Variants in COL4A3 observed in about 807,000 individuals in gnomAD.
COL4A3 encodes the protein collagen alpha-3(IV) chain.
COL4A3 carries 135 observed loss-of-function variants against 217.4 expected under a neutral mutation model. That is an observed-to-expected ratio of 0.62 (90% CI 0.54 to 0.72). COL4A3 has a LOEUF of 0.72. Among genes scored for constraint, COL4A3 ranks in the 30% least tolerant of loss-of-function variants. COL4A3 has a pLI of 0.00. For synonymous variants in COL4A3, 690 were observed against 736.3 expected (o/e 0.94, Z 1.02); for missense variants, 1,868 against 2,119.9 (o/e 0.88, Z 2.33).
At chr2:227,230,870 G>A (rs1429044635) in intron 1 of COL4A3, among the ~76,000 whole-genome samples, 1 of 152,200 alleles carries the variant, frequency 6.6e-6, no homozygotes, top group East Asian at 1.9e-4. Context: ...TACAGCAGCA[G>A]CTGAACAGCA....
Position 227,191,541 on chromosome 2 carries a change from C to T in COL4A3, c.87+26728C>T, listed in dbSNP as rs2066241833. Reference sequence around the variant, plus strand: ...TTGGCCATTCCCCGCATCAAGGATTCAAAGAACCTGCCAAGGGGCTGCAAT... The same window carrying T: ...TTGGCCATTCCCCGCATCAAGGATTTAAAGAACCTGCCAAGGGGCTGCAAT... On this transcript the variant is annotated intron_variant, in intron 1 of 51. Coordinates refer to ENST00000396578, the MANE Select transcript of COL4A3 (RefSeq NM_000091.5). This position sits in a 1 kb window ranked among gnomAD's most constrained non-coding sequence, Gnocchi z 6.8. Among the ~76,000 whole-genome samples, 1 of 152,160 alleles carries T rather than the reference C, an allele frequency of 6.6e-6. No homozygotes were observed. Among genetic ancestry groups the T allele is most frequent in the South Asian group, 2.1e-4 (1 of 4,828 alleles).
intron 28 of COL4A3, 52 bp from the exon 29 acceptor site, chr2:227,279,741 A>T (rs1450295245): frequency 1.6e-6 from 2 of 1,285,444 alleles, no homozygotes; most frequent in Non-Finnish European, 2.2e-6. Flanking sequence ...ACTGCTCAGA[A>T]TATTTCAATA....
chr2:227,185,439 G>T (rs549797678), intron 1 of COL4A3, among the ~76,000 whole-genome samples: 1 of 152,280 alleles, frequency 6.6e-6, no homozygotes, highest in African/African-American at 2.4e-5. Context: ...CCTTTTAGCT[G>T]TATGAGAAGA....
intron 31 of COL4A3, 110 bp downstream of exon 31, chr2:227,281,116 T>C (rs1222099882): frequency 9.3e-6 from 7 of 756,154 alleles, no homozygotes; most frequent in Non-Finnish European, 1.7e-5. Flanking sequence ...TCCTGACCAC[T>C]GTTCAATGAG....
chr2:227,309,270 A>G lies in COL4A3; in HGVS notation c.4707A>G (p.Pro1569=). The G allele has an allele frequency of 1.2e-6, 2 of 1,614,142 alleles. No homozygotes were observed. The highest frequency in any genetic ancestry group is 1.7e-6 in the Non-Finnish European group (2 of 1,180,020). Residue 1569 remains proline, a synonymous_variant, in exon 50 of 52, where the codon CCA becomes CCG. Coordinates refer to ENST00000396578, the MANE Select transcript of COL4A3 (RefSeq NM_000091.5). ...ACAGCCAAACCACTGACATTCCTCC[A>G]TGTCCTCACGGCTGGATTTCTCTCT... The part of the protein sequence containing the change: ...AVHSQTTDIP[P]CPHGWISLWK...
chr2:227,229,277 C>T (rs2068261968), intron 1 of COL4A3, among the ~76,000 whole-genome samples: 1 of 152,200 alleles, frequency 6.6e-6, no homozygotes, highest in Non-Finnish European at 1.5e-5. Flanking sequence ...CTTGGATAAG[C>T]ATCAAGTACC....
At chr2:227,232,198 T>G (rs1312587647) in intron 1 of COL4A3, among the ~76,000 whole-genome samples, 1 of 152,224 alleles carries the variant, frequency 6.6e-6, no homozygotes, top group Admixed American at 6.5e-5. Flanking sequence ...ATTTCCTTTA[T>G]CCATTCGTCT....
At chr2:227,289,416 G>A (rs539548777) in intron 35 of COL4A3, among the ~76,000 whole-genome samples, 168 bp downstream of exon 35, 1 of 152,176 alleles carries the variant, frequency 6.6e-6, no homozygotes, top group Non-Finnish European at 1.5e-5. Flanking sequence ...GATAGTTGGC[G>A]TGTCATTAAC....
chr2:227,231,091 C>T (rs528274762), intron 1 of COL4A3, among the ~76,000 whole-genome samples: 1 of 152,142 alleles, frequency 6.6e-6, no homozygotes, highest in Non-Finnish European at 1.5e-5. Context: ...CAGCTCTAGA[C>T]CTGGCTCTGG....
intron 47 of COL4A3, among the ~76,000 whole-genome samples, chr2:227,305,865 T>C (rs1438299994): frequency 2.6e-5 from 4 of 152,202 alleles, no homozygotes; most frequent in East Asian, 1.9e-4. Flanking sequence ...ATTTTTAGGA[T>C]TGCTGACTTT....
chr2:227,184,435 C>T (rs529862336), intron 1 of COL4A3, among the ~76,000 whole-genome samples: 124 of 152,310 alleles, frequency 8.1e-4, no homozygotes, highest in African/African-American at 2.9e-3. Context: ...AAATATCAGT[C>T]CTTCTTGGGT....
At chr2:227,226,690 G>C (rs1396629592) in intron 1 of COL4A3, among the ~76,000 whole-genome samples, 5 of 152,174 alleles carry the variant, frequency 3.3e-5, no homozygotes, top group African/African-American at 9.7e-5. Context: ...GGCTGGCCTT[G>C]AACTCCTGAC....
At position 227,286,260 on chromosome 2, in the gene COL4A3, G is replaced by A. The variant is rs530359277; in HGVS notation, c.2881+1915G>A. Among the ~76,000 whole-genome samples, 6 of 152,124 alleles carry A rather than the reference G, an allele frequency of 3.9e-5. No individual in the cohort carries two copies. In the East Asian group the frequency reaches 9.6e-4, roughly 24 times the overall value. On this transcript the variant is annotated intron_variant, in intron 34 of 51. Transcript: ENST00000396578. ...TAATCCCAGTATTTTGGGAGGCCAA[G>A]GCGGGTGGATCACCTGAGGTCAGGA...
At chr2:227,298,881 T>C (rs1274213040) in intron 43 of COL4A3, 69 bp downstream of exon 43, 19 of 1,351,014 alleles carry the variant, frequency 1.4e-5, no homozygotes, top group South Asian at 5.3e-5. Context: ...TTATATTGTA[T>C]ATTATATCAT....
chr2:227,249,230 A>ATATATATATATTTTTTTTTTTTTTT, intron 9 of COL4A3, among the ~76,000 whole-genome samples: 2 of 14,692 alleles, frequency 1.4e-4, no homozygotes, highest in African/African-American at 5.3e-4. Flanking sequence ...ATATATATAT[A>ATATATATATATTTTTTTTTTTTTTT]TTTTTTTTTT....
chr2:227,282,842 C>A lies in COL4A3; in HGVS notation c.2656+310C>A, dbSNP rs1233023807. On this transcript the variant is annotated intron_variant, in intron 32 of 51. Coordinates refer to ENST00000396578, the MANE Select transcript of COL4A3 (RefSeq NM_000091.5). This position sits in a 1 kb window ranked among gnomAD's most constrained non-coding sequence, Gnocchi z 4.4. ...AGAAGGGATATTGGTCTGTAGCGTT[C>A]TTGTGATGTCTTTGGTGTTGGTGTC... Among the ~76,000 whole-genome samples the A allele has an allele frequency of 3.9e-5, 6 of 152,100 alleles. No individual in the cohort carries two copies. Among genetic ancestry groups the A allele is most frequent in the Non-Finnish European group, 7.4e-5 (5 of 68,022 alleles).
Position 227,307,781 on chromosome 2 carries a change from A to G in COL4A3, c.4324A>G (p.Thr1442Ala). The G allele has an allele frequency of 6.2e-7, 1 of 1,614,226 alleles. No homozygotes were observed. Among genetic ancestry groups the G allele is most frequent in the Non-Finnish European group, 8.5e-7 (1 of 1,180,038 alleles). The change falls in exon 48 of 52, where the codon ACA (threonine) becomes GCA (alanine). Residue 1442 changes from threonine to alanine, a missense_variant. Transcript: ENST00000396578. ...RGDSGSPATW[T>A]TRGFVFTRHS... ...AGACAGTGGATCACCTGCAACCTGG[A>G]CAACGAGAGGCTTTGTCTTCACCCG...
intron 21 of COL4A3, chr2:227,264,742 A>C (rs1235355521): frequency 6.6e-6 from 1 of 152,198 alleles, no homozygotes; most frequent in African/African-American, 2.4e-5. Flanking sequence ...ATGGAGGTTT[A>C]GTATCCTCTT....
At chr2:227,299,237 T>G (rs568548254) in intron 43 of COL4A3, among the ~76,000 whole-genome samples, 10 of 152,008 alleles carry the variant, frequency 6.6e-5, no homozygotes, top group Non-Finnish European at 1.3e-4. Context: ...CTACTAAAAA[T>G]ACAAAAAATT....
Sources: allele counts gnomAD v4.1 joint callset (sites outside exome capture counted in the v4.1 genomes callset), GRCh38; gene constraint gnomAD v4.1.1; non-coding constraint Gnocchi (gnomAD v3.1); transcripts MANE v1.5; gene names NCBI Gene and HGNC (gene_info 2026-07-23, HGNC 2026-07-21).